ZNF644: variants seen among roughly 807,000 people sequenced by gnomAD.
ZNF644 encodes zinc finger protein 644.
Under a neutral mutation model 108.0 loss-of-function variants are expected in ZNF644, and 20 were observed. The observed-to-expected ratio is 0.19, with a 90% CI of 0.13 to 0.27. The LOEUF is 0.27. Ranked by LOEUF, ZNF644 falls within the 10% of genes least tolerant of loss-of-function variation. ZNF644 has a pLI of 1.00. For synonymous variants in ZNF644, 542 were observed against 539.1 expected (o/e 1.01, Z -0.08); for missense variants, 1,338 against 1,548.9 (o/e 0.86, Z 2.29).
chr1:90,931,091 G>A (rs1650678838), intron 4 of ZNF644, among the ~76,000 whole-genome samples: 1 of 152,076 alleles, frequency 6.6e-6, no homozygotes, highest in South Asian at 2.1e-4. Flanking sequence ...GTACTTAGGT[G>A]TGACAACAAG....
At chr1:91,015,773 G>C (rs1660380985) in intron 1 of ZNF644, among the ~76,000 whole-genome samples, 1 of 152,042 alleles carries the variant, frequency 6.6e-6, no homozygotes, top group South Asian at 2.1e-4. Context: ...CTTAAAATGG[G>C]ACATTAGCAA....
At chr1:90,956,312 G>A (rs1217321603) in intron 2 of ZNF644, among the ~76,000 whole-genome samples, 1 of 152,190 alleles carries the variant, frequency 6.6e-6, no homozygotes, top group African/African-American at 2.4e-5. Context: ...TTGAGAAAAT[G>A]ATACCTGTAT....
chr1:90,950,009 G>A (rs1439295035), intron 2 of ZNF644, among the ~76,000 whole-genome samples: 1 of 151,760 alleles, frequency 6.6e-6, no homozygotes, highest in Non-Finnish European at 1.5e-5. Flanking sequence ...CGGGGGCAGT[G>A]GCTCACGCCT....
chr1:90,941,195 C>A lies in ZNF644; in HGVS notation c.159G>T (p.Glu53Asp). ...LDDNNFISDK[E>D]SGVHKPKDCQ... ...AATCTTTTGGCTTATGAACTCCGCT[C>A]TCTTTGTCTGAGATAAAATTGTTGT... The change falls in exon 3 of 6, where the codon GAG (glutamate) becomes GAT (aspartate). Residue 53 changes from glutamate (E) to aspartate (D), a missense_variant. Physicochemically the swap from Glu to Asp is conservative, Grantham distance 45 (BLOSUM62 2). Coordinates refer to ENST00000337393, the MANE Select transcript of ZNF644 (RefSeq NM_201269.3). 5 of 1,609,560 alleles carry A rather than the reference C, an allele frequency of 3.1e-6. No homozygotes were observed. Among genetic ancestry groups the A allele is most frequent in the Non-Finnish European group, 4.2e-6 (5 of 1,178,452 alleles).
At chr1:90,941,650 C>T (rs1333486975) in intron 2 of ZNF644, among the ~76,000 whole-genome samples, 1 of 152,072 alleles carries the variant, frequency 6.6e-6, no homozygotes, top group Non-Finnish European at 1.5e-5. Context: ...AAATATGCTA[C>T]AGACTGAAAA....
In ZNF644 at chr1:90,997,526, C is replaced by T. The variant is rs1212347579; in HGVS notation, c.-17-15156G>A. Among the ~76,000 whole-genome samples, 7 of 151,518 alleles carry T rather than the reference C, an allele frequency of 4.6e-5. No homozygotes were observed. In the East Asian group the frequency reaches 1.4e-3, roughly 30 times the overall value. On this transcript the variant is annotated intron_variant, in intron 1 of 5. Transcript: ENST00000337393. ...GAGTTGTGACATTATTTTAAATGTG[C>T]AGTATTCAACAAAAAATTACAAGAT...
chr1:90,990,690 C>T (rs1219551016), intron 1 of ZNF644, among the ~76,000 whole-genome samples: 1 of 152,116 alleles, frequency 6.6e-6, no homozygotes, highest in Non-Finnish European at 1.5e-5. Context: ...ATTAGAGCAA[C>T]TCTGTGTGGA....
chr1:90,916,850 G>A lies in ZNF644; in HGVS notation c.3932C>T (p.Ala1311Val). The change falls in exon 6 of 6, where the codon GCC (alanine) becomes GTC (valine). Residue 1311 changes from alanine to valine, a missense_variant. Ala to Val is a moderately conservative substitution (Grantham distance 64). Coordinates refer to ENST00000337393, the MANE Select transcript of ZNF644 (RefSeq NM_201269.3). ...AGAAAATGAAGTTTCTGTAATGGAGGCAGGCTTTTTAAGTAGTGACGTGAC... is the reference window on the plus strand; with the variant it reads ...AGAAAATGAAGTTTCTGTAATGGAGACAGGCTTTTTAAGTAGTGACGTGAC... ...VEVTSLLKKP[A>V]SITETSFSLL... is the part of the protein sequence containing the mutation. The A allele has an allele frequency of 1.2e-6, 2 of 1,614,158 alleles. No individual in the cohort carries two copies. Among genetic ancestry groups the A allele is most frequent in the South Asian group, 1.1e-5 (1 of 91,078 alleles).
intron 2 of ZNF644, among the ~76,000 whole-genome samples, chr1:90,962,956 T>C (rs1654482744): frequency 6.6e-6 from 1 of 152,102 alleles, no homozygotes; most frequent in Non-Finnish European, 1.5e-5. Flanking sequence ...TAAAATGAAC[T>C]ATACTAAAAT....
chr1:91,002,496 A>T (rs1277786346), intron 1 of ZNF644, among the ~76,000 whole-genome samples: 1 of 152,218 alleles, frequency 6.6e-6, no homozygotes, highest in Non-Finnish European at 1.5e-5. Context: ...CTCAAACTGG[A>T]TCCCTTCCTT....
At chr1:90,920,213 A>AT (rs1211901902) in intron 4 of ZNF644, among the ~76,000 whole-genome samples, 1 of 152,028 alleles carries the variant, frequency 6.6e-6, no homozygotes, top group East Asian at 1.9e-4. Flanking sequence ...TTGGTGTATC[A>AT]TAAGATTACA....
chr1:90,947,967 T>C (rs1652692991), intron 2 of ZNF644, among the ~76,000 whole-genome samples: 2 of 152,200 alleles, frequency 1.3e-5, no homozygotes, highest in Admixed American at 1.3e-4. Flanking sequence ...TGAATCATTG[T>C]CATTGTAAGT....
chr1:90,941,497 T>C (rs747273771), intron 2 of ZNF644, among the ~76,000 whole-genome samples, 188 bp from the exon 3 acceptor site: 5 of 152,174 alleles, frequency 3.3e-5, no homozygotes, highest in Admixed American at 1.3e-4. Context: ...CAAAGGTTAA[T>C]ATTGTTCTTC....
In ZNF644 at chr1:90,941,007, A is replaced by G; in HGVS notation, c.347T>C (p.Val116Ala). ...ENFILPKGAAVNGPVSHSSLT... is the reference protein window; with the variant it reads ...ENFILPKGAAANGPVSHSSLT... ...GGAGGAGTGTGAAACTGGTCCATTA[A>G]CAGCAGCTCCTTTAGGCAAGATAAA... is the stretch of plus-strand genomic sequence containing the variant. Residue 116 changes from valine (V) to alanine (A), a missense_variant, in exon 3 of 6, where the codon GTT becomes GCT. Around this residue, in one of 6 missense-constraint regions of ZNF644, gnomAD observed 464 missense variants for 457.9 expected, o/e 1.01. Coordinates refer to ENST00000337393, the MANE Select transcript of ZNF644 (RefSeq NM_201269.3). 1 of 1,614,118 alleles carries G rather than the reference A, an allele frequency of 6.2e-7. No homozygotes were observed. The highest frequency in any genetic ancestry group is 1.1e-5 in the South Asian group (1 of 91,082).
intron 1 of ZNF644, among the ~76,000 whole-genome samples, chr1:90,995,423 T>C (rs900053201): frequency 9.9e-5 from 15 of 152,082 alleles, no homozygotes; most frequent in Admixed American, 5.9e-4. Flanking sequence ...GTCCAACATA[T>C]ATGTAAGTCC....
At chr1:91,006,106 C>T (rs1659396233) in intron 1 of ZNF644, among the ~76,000 whole-genome samples, 1 of 152,156 alleles carries the variant, frequency 6.6e-6, no homozygotes, top group African/African-American at 2.4e-5. Context: ...GAACACTATG[C>T]AACTGTATGC....
intron 2 of ZNF644, among the ~76,000 whole-genome samples, chr1:90,956,278 G>A (rs764889055): frequency 3.3e-5 from 5 of 152,176 alleles, no homozygotes; most frequent in African/African-American, 1.2e-4. Context: ...AATGTGATAC[G>A]GAGATACGAA....
chr1:90,999,180 G>C (rs1658495163), intron 1 of ZNF644, among the ~76,000 whole-genome samples: 1 of 152,064 alleles, frequency 6.6e-6, no homozygotes, highest in Non-Finnish European at 1.5e-5. Context: ...TCAAATTCAG[G>C]AAATACAGAG....
chr1:90,966,400 A>C (rs28526328), intron 2 of ZNF644, among the ~76,000 whole-genome samples: 1,916 of 152,312 alleles, frequency 0.013, 38 homozygotes, highest in African/African-American at 0.044. Flanking sequence ...CTTGACATCC[A>C]AAATAGTGCC....
Sources: gnomAD v4.1 joint callset for allele counts (sites outside exome capture counted in the v4.1 genomes callset) on GRCh38, gnomAD v4.1.1 for gene constraint, gnomAD v4.1.1 regional missense constraint, MANE v1.5 for transcripts, NCBI Gene and HGNC (gene_info 2026-07-23, HGNC 2026-07-21) for gene names.